The following RBFOX1 variants were observed in gnomAD, a reference collection of about 807,000 sequenced individuals.
RBFOX1 encodes the protein RNA binding fox-1 homolog 1, also known as RNA binding protein fox-1 homolog 1.
In RBFOX1, 8 loss-of-function variants were observed where a neutral mutation model predicts 57.7. That is an observed-to-expected ratio of 0.14 (90% CI 0.08 to 0.25). The LOEUF is 0.25. Ranked by LOEUF, RBFOX1 falls within the 10% of genes least tolerant of loss-of-function variation. RBFOX1 has a pLI of 1.00. For missense variants in RBFOX1, 611 were observed against 548.5 expected, an observed-to-expected ratio of 1.11 and a Z score of -1.14; for synonymous variants, 326 against 222.4, an observed-to-expected ratio of 1.47 and a Z score of -4.15.
intron 5 of RBFOX1, among the ~76,000 whole-genome samples, chr16:7,565,131 A>C (rs1316238176): frequency 6.6e-6 from 1 of 152,204 alleles, no homozygotes; most frequent in Non-Finnish European, 1.5e-5. Flanking sequence ...TGTGGGTTTT[A>C]GTTCACATTC....
At chr16:6,904,067 C>G (rs7198303) in intron 3 of RBFOX1, among the ~76,000 whole-genome samples, 43,250 of 151,804 alleles carry the variant, frequency 0.28, 6,937 homozygotes, top group African/African-American at 0.45. Flanking sequence ...CCCATGGGGG[C>G]TGTGCGGGTA....
chr16:6,314,390 T>G (rs746128769), intron 1 of RBFOX1, among the ~76,000 whole-genome samples: 1 of 152,186 alleles, frequency 6.6e-6, no homozygotes, highest in Non-Finnish European at 1.5e-5. Flanking sequence ...GATAGAAGAA[T>G]ATGCCAATGG....
At chr16:5,390,659 A>G (rs979337524) in intron 1 of RBFOX1, among the ~76,000 whole-genome samples, 4 of 152,090 alleles carry the variant, frequency 2.6e-5, no homozygotes, top group African/African-American at 9.7e-5. Flanking sequence ...AATCTCCCTC[A>G]TCTTTGAAGG....
intron 2 of RBFOX1, among the ~76,000 whole-genome samples, chr16:6,371,066 C>T (rs2090366323): frequency 1.3e-5 from 2 of 152,124 alleles, no homozygotes; most frequent in Admixed American, 6.5e-5. Flanking sequence ...TATTAAGAGA[C>T]ACATGATATT....
chr16:5,735,935 T>A (rs2052554185), intron 3 of RBFOX1, among the ~76,000 whole-genome samples: 1 of 152,086 alleles, frequency 6.6e-6, no homozygotes, highest in Non-Finnish European at 1.5e-5. Flanking sequence ...ATTTGACACA[T>A]GTTCCCCAGA....
intron 3 of RBFOX1, among the ~76,000 whole-genome samples, chr16:6,947,141 C>T (rs2079698900): frequency 6.6e-6 from 1 of 152,118 alleles, no homozygotes; most frequent in South Asian, 2.1e-4. Flanking sequence ...CATAACCTGG[C>T]CCATGTTCAA....
Position 7,330,619 on chromosome 16 carries a change from T to C in RBFOX1, c.28-187528T>C, listed in dbSNP as rs999770309. Among the ~76,000 whole-genome samples, 7 of 152,126 alleles carry C rather than the reference T, an allele frequency of 4.6e-5. No individual in the cohort carries two copies. In the South Asian group the frequency reaches 1.5e-3, roughly 32 times the overall value. On this transcript the variant is annotated intron_variant, in intron 4 of 15. Transcript: ENST00000550418. The stretch of plus-strand genomic sequence containing the variant: ...GCTACCTCTTCCTCAAGTTTGCTTA[T>C]TGAAGCATTCTTGATTAAGAGTAAG...
intron 4 of RBFOX1, among the ~76,000 whole-genome samples, chr16:7,080,895 T>C (rs1210770883): frequency 6.6e-6 from 1 of 152,202 alleles, no homozygotes; most frequent in East Asian, 1.9e-4. Flanking sequence ...CATTCCCTCC[T>C]TGACGTTCGT....
At chr16:5,954,220 C>G (rs768219240) in intron 4 of RBFOX1, among the ~76,000 whole-genome samples, 1 of 152,132 alleles carries the variant, frequency 6.6e-6, no homozygotes, top group Non-Finnish European at 1.5e-5. Context: ...TCAGGCTGGC[C>G]GTGGTCTCAT....
intron 1 of RBFOX1, among the ~76,000 whole-genome samples, chr16:6,056,276 A>T (rs2095613439): frequency 6.6e-6 from 1 of 151,964 alleles, no homozygotes; most frequent in Non-Finnish European, 1.5e-5. Context: ...AGGAAATTTG[A>T]CATTTAGCTG....
chr16:6,758,259 CT>C (rs1484751052), intron 3 of RBFOX1, among the ~76,000 whole-genome samples: 1 of 152,012 alleles, frequency 6.6e-6, no homozygotes, highest in Non-Finnish European at 1.5e-5. Context: ...CCTCTGCTTG[CT>C]TTGTTGGTGT....
chr16:7,692,457 G>T (rs961899702), intron 14 of RBFOX1, among the ~76,000 whole-genome samples: 1 of 152,100 alleles, frequency 6.6e-6, no homozygotes, highest in Admixed American at 6.5e-5. Context: ...GAAGAAAAAT[G>T]CATTTATCTT....
intron 1 of RBFOX1, among the ~76,000 whole-genome samples, chr16:6,184,841 A>G (rs1470582212): frequency 6.6e-6 from 1 of 151,982 alleles, no homozygotes; most frequent in Non-Finnish European, 1.5e-5. Context: ...TGCTGGGATT[A>G]TAGGCATGAG....
chr16:7,381,313 C>A (rs939792777), intron 4 of RBFOX1, among the ~76,000 whole-genome samples: 1 of 152,074 alleles, frequency 6.6e-6, no homozygotes, highest in Non-Finnish European at 1.5e-5. Context: ...CCTTATTGTG[C>A]AAGTAATGCA....
chr16:7,026,118 G>A (rs968689813), intron 3 of RBFOX1, among the ~76,000 whole-genome samples: 1 of 152,162 alleles, frequency 6.6e-6, no homozygotes, highest in African/African-American at 2.4e-5. Context: ...CACAGGCCAG[G>A]GTGGAAATGG....
chr16:7,300,934 A>G (rs1373317645), intron 4 of RBFOX1, among the ~76,000 whole-genome samples: 1 of 152,172 alleles, frequency 6.6e-6, no homozygotes, highest in Non-Finnish European at 1.5e-5. Flanking sequence ...CCTTGAATGC[A>G]TATGAACCCA....
intron 14 of RBFOX1, among the ~76,000 whole-genome samples, chr16:7,701,482 G>A (rs1371834286): frequency 1.3e-5 from 2 of 152,158 alleles, no homozygotes; most frequent in Non-Finnish European, 2.9e-5. Context: ...AGAATCTAAT[G>A]CCTGATGATC....
rs1035730911 is a variant in RBFOX1, at chr16:7,227,440, T to C, written c.27+175342T>C. Among the ~76,000 whole-genome samples, 3 of 152,196 alleles carry C rather than the reference T, an allele frequency of 2.0e-5. No individual in the cohort carries two copies. The East Asian group carries it at 5.8e-4, about 29-fold the overall frequency. ...ATTTTGCATGCTCTGTCCCCAACCG[T>C]ATTAATAAAGCACTTAAAAGTATGC... is the stretch of plus-strand genomic sequence containing the variant. On this transcript the variant is annotated intron_variant, in intron 4 of 15. Coordinates refer to ENST00000550418, the MANE Select transcript of RBFOX1 (RefSeq NM_018723.4).
chr16:6,829,538 G>T (rs965021561), intron 3 of RBFOX1, among the ~76,000 whole-genome samples: 3 of 149,422 alleles, frequency 2.0e-5, no homozygotes. Context: ...GACAAAATAA[G>T]TACCATTAGT....
Sources: allele counts gnomAD v4.1 joint callset (sites outside exome capture counted in the v4.1 genomes callset), GRCh38; gene constraint gnomAD v4.1.1; transcripts MANE v1.5; gene names NCBI Gene and HGNC (gene_info 2026-07-23, HGNC 2026-07-21).